The following ADORA2A variants were observed in gnomAD, a reference collection of about 807,000 sequenced individuals.
The protein encoded by ADORA2A is adenosine receptor A2a.
ADORA2A carries 11 observed loss-of-function variants against 18.4 expected under a neutral mutation model. The observed-to-expected ratio is 0.60, with a 90% CI of 0.38 to 0.99. ADORA2A has a LOEUF of 0.99. Ranked by LOEUF, ADORA2A falls within the 50% of genes least tolerant of loss-of-function variation. ADORA2A has a pLI of 0.01. For synonymous variants in ADORA2A, 218 were observed against 237.3 expected (o/e 0.92, Z 0.75); for missense variants, 449 against 556.1 (o/e 0.81, Z 1.94).
chr22:24,441,473 G>C lies in ADORA2A; in HGVS notation c.1223G>C (p.Gly408Ala). The change falls in exon 3 of 3, where the codon GGA (glycine) becomes GCA (alanine). Residue 408 changes from glycine (G) to alanine (A), a missense_variant. Physicochemically the swap from Gly to Ala is moderately conservative, Grantham distance 60. Transcript: ENST00000337539. ...PGLDDPLAQD[G>A]AGVS Reference sequence around the variant, plus strand: ...CTAGATGACCCCCTGGCCCAGGATGGAGCAGGAGTGTCCTGATGATTCATG... The same window carrying C: ...CTAGATGACCCCCTGGCCCAGGATGCAGCAGGAGTGTCCTGATGATTCATG... 1 of 1,514,778 alleles carries C rather than the reference G, an allele frequency of 6.6e-7. No homozygotes were observed. Among genetic ancestry groups the C allele is most frequent in the Non-Finnish European group, 8.8e-7 (1 of 1,132,978 alleles). The allele number at this position is 1,514,778 out of a possible 1,614,324, so 93.8% of individuals were successfully genotyped here. A position where few individuals can be genotyped will look rare whatever the true frequency, so the allele number is the denominator to read the frequency against.
intron 1 of ADORA2A, among the ~76,000 whole-genome samples, chr22:24,428,336 T>G (rs1488171139): frequency 2.0e-5 from 3 of 152,214 alleles, no homozygotes; most frequent in Non-Finnish European, 4.4e-5. Context: ...CCTCCTAGAC[T>G]AGGTCTCTTC....
At chr22:24,437,914 T>C (rs2043219190) in intron 2 of ADORA2A, among the ~76,000 whole-genome samples, 1 of 152,258 alleles carries the variant, frequency 6.6e-6, no homozygotes, top group Admixed American at 6.5e-5. Flanking sequence ...ATAAGCCCCT[T>C]CCCTTCCCCA....
At position 24,433,171 on chromosome 22, in the gene ADORA2A, G is replaced by C; in HGVS notation, c.-234G>C. The C allele has an allele frequency of 3.4e-6, 2 of 585,730 alleles. No individual in the cohort carries two copies. Among genetic ancestry groups the C allele is most frequent in the Non-Finnish European group, 6.1e-6 (2 of 328,540 alleles). The allele number at this position is 585,730 out of a possible 1,614,324, so 36.3% of individuals were successfully genotyped here. A position where few individuals can be genotyped will look rare whatever the true frequency, so the allele number is the denominator to read the frequency against. On this transcript the variant is annotated 5_prime_UTR_variant, in exon 2 of 3. Transcript: ENST00000337539. ...TGAAGCTGGGCTGAGCCATGATGCTGCTGCCAGAACCCCTGCAGAGGGCCT... is the reference window on the plus strand; with the variant it reads ...TGAAGCTGGGCTGAGCCATGATGCTCCTGCCAGAACCCCTGCAGAGGGCCT...
chr22:24,439,857 G>A (rs1411913354), intron 2 of ADORA2A, among the ~76,000 whole-genome samples: 1 of 152,170 alleles, frequency 6.6e-6, no homozygotes, highest in Non-Finnish European at 1.5e-5. Context: ...CCATGTAAAT[G>A]TTAACAAGTA....
At chr22:24,433,817 G>C (rs2043107651) in intron 2 of ADORA2A, 81 bp downstream of exon 2, 3 of 1,459,362 alleles carry the variant, frequency 2.1e-6, no homozygotes, top group African/African-American at 1.4e-5. Context: ...GGGTGAGCCT[G>C]GGATCAGGGC....
At chr22:24,439,870 T>C (rs1479459588) in intron 2 of ADORA2A, among the ~76,000 whole-genome samples, 3 of 152,168 alleles carry the variant, frequency 2.0e-5, no homozygotes, top group Admixed American at 6.5e-5. Context: ...AACAAGTAAT[T>C]CTCTCATTTC....
upstream of ADORA2A, among the ~76,000 whole-genome samples, chr22:24,426,192 T>A (rs934948384): frequency 2.0e-5 from 3 of 152,088 alleles, no homozygotes; most frequent in African/African-American, 7.2e-5. Flanking sequence ...CCAAAGAAGG[T>A]CTTAGTACCC....
At chr22:24,436,321 G>C (rs186899807) in intron 2 of ADORA2A, among the ~76,000 whole-genome samples, 24 of 152,190 alleles carry the variant, frequency 1.6e-4, no homozygotes, top group African/African-American at 3.1e-4. Flanking sequence ...CCTCCTCTAC[G>C]TGCCGTTTCC....
intron 2 of ADORA2A, among the ~76,000 whole-genome samples, chr22:24,439,071 CCT>C (rs2043256993): frequency 2.6e-5 from 2 of 77,904 alleles, no homozygotes; most frequent in African/African-American, 7.0e-5. Context: ...TCCCCTTGCA[CCT>C]TTTTTTTTTT....
chr22:24,429,485 T>A (rs991255427), intron 1 of ADORA2A: 1 of 152,252 alleles, frequency 6.6e-6, no homozygotes, highest in Non-Finnish European at 1.5e-5. Context: ...AGTAATTAGA[T>A]GCACAGAGCC....
At chr22:24,424,585 C>T (rs1439849254), upstream of ADORA2A, 1 of 152,264 alleles carries the variant, frequency 6.6e-6, no homozygotes, top group Non-Finnish European at 1.5e-5. This position sits in a 1 kb window ranked among gnomAD's most constrained non-coding sequence, Gnocchi z 4.9. Context: ...TACCCGAGCG[C>T]CCGGGACGCG....
intron 2 of ADORA2A, among the ~76,000 whole-genome samples, chr22:24,437,348 T>C (rs1290980076): frequency 1.3e-5 from 2 of 152,052 alleles, no homozygotes; most frequent in Non-Finnish European, 2.9e-5. Flanking sequence ...TGGTCAATGT[T>C]TGGGGTCTAA....
chr22:24,428,349 G>A (rs908370457), intron 1 of ADORA2A, among the ~76,000 whole-genome samples: 1 of 152,214 alleles, frequency 6.6e-6, no homozygotes, highest in African/African-American at 2.4e-5. Context: ...GTCTCTTCAT[G>A]GCGTTTCTGG....
At chr22:24,425,983 G>C (rs904549402), upstream of ADORA2A, among the ~76,000 whole-genome samples, 1 of 152,238 alleles carries the variant, frequency 6.6e-6, no homozygotes. Flanking sequence ...CGGGGAACCC[G>C]GGAGGGAGGG....
intron 2 of ADORA2A, among the ~76,000 whole-genome samples, 184 bp downstream of exon 2, chr22:24,433,920 AACTG>A (rs1203560036): frequency 6.6e-6 from 1 of 152,212 alleles, no homozygotes; most frequent in Non-Finnish European, 1.5e-5. Context: ...AGTCATGCCG[AACTG>A]ACTGACCCCT....
chr22:24,423,797 T>TGCCTCGGGTCCCCCTCCG, upstream of ADORA2A: 2 of 152,134 alleles, frequency 1.3e-5, no homozygotes, highest in Middle Eastern at 3.4e-3. Context: ...CGCGGGCCGA[T>TGCCTCGGGTCCCCCTCCG]GCCTCGGGTC....
rs1251293686 is a variant in ADORA2A, at chr22:24,433,674, C to T, written c.270C>T (p.Ser90=). ...GCTTCGTCCTGGTCCTCACGCAGAG[C>T]TCCATCTTCAGTCTCCTGGCCATCG... ...IACFVLVLTQ[S]SIFSLLAIAI... is the part of the protein sequence containing the mutation. Residue 90 remains serine, a synonymous_variant, in exon 2 of 3, where the codon AGC becomes AGT. Transcript: ENST00000337539. 1 of 1,612,382 alleles carries T rather than the reference C, an allele frequency of 6.2e-7. No homozygotes were observed. The highest frequency in any genetic ancestry group is 8.5e-7 in the Non-Finnish European group (1 of 1,180,028).
chr22:24,440,961 C>G lies in ADORA2A; in HGVS notation c.711C>G (p.Ile237Met). The part of the protein sequence containing the change: ...KEVHAAKSLA[I>M]IVGLFALCWL... ...TCCATGCTGCCAAGTCACTGGCCATCATTGTGGGGCTCTTTGCCCTCTGCT... is the reference window on the plus strand; with the variant it reads ...TCCATGCTGCCAAGTCACTGGCCATGATTGTGGGGCTCTTTGCCCTCTGCT... The change falls in exon 3 of 3, where the codon ATC becomes ATG. Residue 237 changes from isoleucine to methionine, a missense_variant. Ile to Met is a conservative substitution (Grantham distance 10, BLOSUM62 1). Transcript: ENST00000337539. 1.2e-6 allele frequency: 2 copies of G among 1,614,160 alleles called. No homozygotes were observed. The highest frequency in any genetic ancestry group is 1.1e-5 in the South Asian group (1 of 91,086).
At position 24,441,380 on chromosome 22, in the gene ADORA2A, A is replaced by C; in HGVS notation, c.1130A>C (p.Asn377Thr). 1 of 1,573,750 alleles carries C rather than the reference A, an allele frequency of 6.4e-7. No homozygotes were observed. The highest frequency in any genetic ancestry group is 2.2e-5 in the East Asian group (1 of 44,558). The change falls in exon 3 of 3, where the codon AAC becomes ACC. Residue 377 changes from asparagine (N) to threonine (T), a missense_variant. Coordinates refer to ENST00000337539, the MANE Select transcript of ADORA2A (RefSeq NM_000675.6). ...SGGSAQESQGNTGLPDVELLS... is the reference protein window; with the variant it reads ...SGGSAQESQGTTGLPDVELLS... Reference sequence around the variant, plus strand: ...GGGAGTGCCCAAGAGTCCCAGGGGAACACGGGCCTCCCAGACGTGGAGCTC... The same window carrying C: ...GGGAGTGCCCAAGAGTCCCAGGGGACCACGGGCCTCCCAGACGTGGAGCTC...
Sources: allele counts gnomAD v4.1 joint callset (sites outside exome capture counted in the v4.1 genomes callset), GRCh38; gene constraint gnomAD v4.1.1; non-coding constraint Gnocchi (gnomAD v3.1); transcripts MANE v1.5; gene names NCBI Gene and HGNC (gene_info 2026-07-23, HGNC 2026-07-21).